Variants in P2RY6 observed in about 807,000 individuals in gnomAD.
The protein encoded by P2RY6 is pyrimidinergic receptor P2Y6, also known as P2Y purinoceptor 6.
P2RY6 carries 19 observed loss-of-function variants against 16.3 expected under a neutral mutation model. The ratio of observed to expected loss-of-function variants is 1.16; its 90% CI spans 0.81 to 1.71. P2RY6 has a LOEUF of 1.71. P2RY6 is among the 40% of genes most tolerant of loss of function. The pLI is 0.00. For missense variants in P2RY6, 389 were observed against 455.5 expected, an observed-to-expected ratio of 0.85 and a Z score of 1.33; for synonymous variants, 184 against 201.5, an observed-to-expected ratio of 0.91 and a Z score of 0.74.
chr11:73,280,928 G>A (rs1238975501), intron 1 of P2RY6, among the ~76,000 whole-genome samples: 1 of 152,168 alleles, frequency 6.6e-6, no homozygotes, highest in East Asian at 1.9e-4. Flanking sequence ...TGCTGAGCCA[G>A]GGTCCATCTG....
At position 73,297,211 on chromosome 11, in the gene P2RY6, G is replaced by C. The variant is rs143057636; in HGVS notation, c.693G>C (p.Gln231His). ...ATGGCCCGGCAGAGCCTGTGGCCCAGGAGCGGCGTGGCAAGGCGGCCCGCA... is the reference window on the plus strand; with the variant it reads ...ATGGCCCGGCAGAGCCTGTGGCCCACGAGCGGCGTGGCAAGGCGGCCCGCA... ...RQDGPAEPVA[Q>H]ERRGKAARMA... is the part of the protein sequence containing the mutation. The change falls in exon 3 of 3, where the codon CAG becomes CAC. Residue 231 changes from glutamine to histidine, a missense_variant. Coordinates refer to ENST00000540124, the MANE Select transcript of P2RY6 (RefSeq NM_001277204.2). 1.6e-4 allele frequency: 256 copies of C among 1,603,118 alleles called. No homozygotes were observed. Among genetic ancestry groups the C allele is most frequent in the Non-Finnish European group, 2.1e-4 (251 of 1,179,498 alleles).
At chr11:73,269,373 T>C (rs560855324), upstream of P2RY6, among the ~76,000 whole-genome samples, 1 of 152,296 alleles carries the variant, frequency 6.6e-6, no homozygotes, top group East Asian at 1.9e-4. Flanking sequence ...TAAGGCTTCC[T>C]CCTCATCTTA....
chr11:73,290,504 G>A (rs1364965167), intron 1 of P2RY6, among the ~76,000 whole-genome samples: 3 of 152,200 alleles, frequency 2.0e-5, no homozygotes, highest in African/African-American at 7.2e-5. Context: ...GTTCATGATG[G>A]GCCAGCCCCT....
Position 73,297,370 on chromosome 11 carries a change from A to G in P2RY6, c.852A>G (p.Lys284=). 1 of 1,612,328 alleles carries G rather than the reference A, an allele frequency of 6.2e-7. No individual in the cohort carries two copies. The highest frequency in any genetic ancestry group is 1.6e-4 in the Middle Eastern group (1 of 6,062). Residue 284 remains lysine (K), a synonymous_variant, in exon 3 of 3, where the codon AAA becomes AAG. Transcript: ENST00000540124. The stretch of plus-strand genomic sequence containing the variant: ...TGGAGGCCTTTGCAGCGGCCTACAA[A>G]GGCACGCGGCCGTTTGCCAGTGCCA... The part of the protein sequence containing the change: ...TVLEAFAAAY[K]GTRPFASANS...
intron 1 of P2RY6, among the ~76,000 whole-genome samples, chr11:73,274,552 A>AAAAAG (rs1554988367): frequency 6.6e-6 from 1 of 152,036 alleles, no homozygotes; most frequent in African/African-American, 2.4e-5. Context: ...AAAAAAAAAA[A>AAAAAG]AAAGAAAGAA....
intron 1 of P2RY6, among the ~76,000 whole-genome samples, chr11:73,290,946 A>G (rs750838534): frequency 2.6e-5 from 4 of 152,224 alleles, no homozygotes; most frequent in South Asian, 2.1e-4. Context: ...GAGGGCCCTC[A>G]AACCTAGACT....
chr11:73,267,599 C>T (rs1863148137), upstream of P2RY6, among the ~76,000 whole-genome samples: 1 of 152,164 alleles, frequency 6.6e-6, no homozygotes, highest in Non-Finnish European at 1.5e-5. Flanking sequence ...GAAAAGACTC[C>T]TGTGGAGCCA....
At position 73,283,300 on chromosome 11, in the gene P2RY6, A is replaced by G. The variant is rs1305413025; in HGVS notation, c.-121+10834A>G. Among the ~76,000 whole-genome samples, 4 of 152,216 alleles carry G rather than the reference A, an allele frequency of 2.6e-5. No individual in the cohort carries two copies. In the East Asian group the frequency reaches 7.7e-4, roughly 29 times the overall value. ...CGACCCCTCCTATTCTGTGACAGAA[A>G]CCATTGATGTTTTCTCAAACCAGTG... is the stretch of plus-strand genomic sequence containing the variant. On this transcript the variant is annotated intron_variant, in intron 1 of 2. Transcript: ENST00000540124.
intron 1 of P2RY6, among the ~76,000 whole-genome samples, chr11:73,281,333 C>T (rs1208978806): frequency 2.0e-5 from 3 of 152,218 alleles, no homozygotes; most frequent in Non-Finnish European, 4.4e-5. Flanking sequence ...CAGAGTTGGG[C>T]TTCACCACCC....
upstream of P2RY6, among the ~76,000 whole-genome samples, chr11:73,269,093 G>A (rs1211863339): frequency 6.6e-6 from 1 of 152,222 alleles, no homozygotes; most frequent in Admixed American, 6.5e-5. Flanking sequence ...AGGGCCTCGG[G>A]GGTAGGACGT....
chr11:73,271,168 C>G (rs747978847), upstream of P2RY6, among the ~76,000 whole-genome samples: 3 of 152,146 alleles, frequency 2.0e-5, no homozygotes, highest in Non-Finnish European at 4.4e-5. Context: ...GAGGGCCCAC[C>G]ATGGGCCCAG....
upstream of P2RY6, among the ~76,000 whole-genome samples, chr11:73,270,657 C>T (rs900216066): frequency 1.3e-5 from 2 of 152,190 alleles, no homozygotes; most frequent in African/African-American, 2.4e-5. Flanking sequence ...CAGAGAGCTT[C>T]CCCAGGGCTG....
chr11:73,267,072 C>G (rs1382593277), intron 1 of P2RY6, among the ~76,000 whole-genome samples: 1 of 152,206 alleles, frequency 6.6e-6, no homozygotes, highest in Non-Finnish European at 1.5e-5. Flanking sequence ...TCTATAATTA[C>G]TCAAACATTC....
chr11:73,294,171 C>CTTACACCCTT (rs1405722644), intron 1 of P2RY6, among the ~76,000 whole-genome samples: 1 of 152,164 alleles, frequency 6.6e-6, no homozygotes, highest in Non-Finnish European at 1.5e-5. Flanking sequence ...CCGGAGTGTC[C>CTTACACCCTT]TTACACCCTT....
rs74785380 is a variant in P2RY6 at position 73,295,677 on chromosome 11, A to G, written c.-120-53A>G. 3,596 of 712,842 alleles carry G rather than the reference A, an allele frequency of 5.0e-3. 96 individuals are homozygous for G. The African/African-American group carries it at 0.064, about 13-fold the overall frequency. 44.2% of individuals were successfully genotyped at this position (712,842 alleles called of 1,614,324 possible). On this transcript the variant is annotated intron_variant, in intron 1 of 2. Coordinates refer to ENST00000540124, the MANE Select transcript of P2RY6 (RefSeq NM_001277204.2). The stretch of plus-strand genomic sequence containing the variant: ...TGCCAAACCTGCCTTTGTAGCCTCA[A>G]GTGGAAAGAAGCCTTGGGGAACTGG...
Position 73,265,727 on chromosome 11 carries a change from C to T in P2RY6, c.-281+1078C>T, listed in dbSNP as rs371993870. Among the ~76,000 whole-genome samples, 91 of 152,248 alleles carry T rather than the reference C, an allele frequency of 6.0e-4. 1 individual carries two copies. In the South Asian group the frequency reaches 0.015, roughly 25 times the overall value. Reference sequence around the variant, plus strand: ...AGGGGCTGCAGGACCCTGGGGACCACGAAGAAGGGGGTTCCCCTAGCAGGC... The same window carrying T: ...AGGGGCTGCAGGACCCTGGGGACCATGAAGAAGGGGGTTCCCCTAGCAGGC... On this transcript the variant is annotated intron_variant, in intron 1 of 3. Transcript: ENST00000349767.
At chr11:73,267,312 G>C (rs1044326249) in intron 1 of P2RY6, among the ~76,000 whole-genome samples, 3 of 152,128 alleles carry the variant, frequency 2.0e-5, no homozygotes, top group African/African-American at 7.2e-5. Flanking sequence ...TGGTAAAATG[G>C]CCATATGCTC....
chr11:73,266,536 C>T (rs569761058), intron 1 of P2RY6, among the ~76,000 whole-genome samples: 1 of 152,058 alleles, frequency 6.6e-6, no homozygotes, highest in African/African-American at 2.4e-5. Context: ...CAGCATTGAG[C>T]TGCAAGCAGA....
At chr11:73,279,186 G>A (rs1049705503) in intron 1 of P2RY6, among the ~76,000 whole-genome samples, 4 of 151,832 alleles carry the variant, frequency 2.6e-5, no homozygotes, top group African/African-American at 7.3e-5. Context: ...TTGGAAAAAT[G>A]TCTAAGTCCT....
Sources: gnomAD v4.1 joint callset for allele counts (sites outside exome capture counted in the v4.1 genomes callset) on GRCh38, gnomAD v4.1.1 for gene constraint, MANE v1.5 for transcripts, NCBI Gene and HGNC (gene_info 2026-07-23, HGNC 2026-07-21) for gene names.